Variants in GMDS observed in about 807,000 individuals in gnomAD.
GMDS encodes the protein GDP-mannose 4,6-dehydratase.
In GMDS, 20 loss-of-function variants were observed where a neutral mutation model predicts 49.9. The observed-to-expected ratio is 0.40, with a 90% CI of 0.28 to 0.58. The LOEUF is 0.58. Among genes scored for constraint, GMDS ranks in the 20% least tolerant of loss-of-function variants. The pLI is 0.42. For synonymous variants in GMDS, 177 were observed against 178.6 expected (o/e 0.99, Z 0.07); for missense variants, 362 against 481.4 (o/e 0.75, Z 2.32).
intron 7 of GMDS, among the ~76,000 whole-genome samples, chr6:1,845,219 T>C (rs1246705386): frequency 6.6e-6 from 1 of 152,156 alleles, no homozygotes; most frequent in African/African-American, 2.4e-5. Flanking sequence ...CTATTGTACA[T>C]TAAAAGTAAA....
chr6:2,205,669 T>G (rs1224462441), intron 1 of GMDS, among the ~76,000 whole-genome samples: 1 of 152,212 alleles, frequency 6.6e-6, no homozygotes, highest in African/African-American at 2.4e-5. Context: ...GAAGTTCTTA[T>G]GCTGGAGCCA....
intron 1 of GMDS, among the ~76,000 whole-genome samples, chr6:2,231,646 T>C (rs1436069401): frequency 6.6e-6 from 1 of 152,190 alleles, no homozygotes; most frequent in Non-Finnish European, 1.5e-5. Context: ...AAACGAATGC[T>C]TACCAAGCAC....
chr6:2,098,572 T>C (rs1773745225), intron 4 of GMDS, among the ~76,000 whole-genome samples: 1 of 152,226 alleles, frequency 6.6e-6, no homozygotes, highest in Non-Finnish European at 1.5e-5. Flanking sequence ...ATACGCTTAG[T>C]TGAGAAACAC....
chr6:1,708,413 C>T (rs926651361), intron 9 of GMDS, among the ~76,000 whole-genome samples: 3 of 152,118 alleles, frequency 2.0e-5, no homozygotes, highest in Non-Finnish European at 4.4e-5. Context: ...CCTCTGAAGG[C>T]GTTGTCAATA....
Position 2,101,023 on chromosome 6 carries a change from C to A in GMDS, c.345+14748G>T, listed in dbSNP as rs553716614. The stretch of plus-strand genomic sequence containing the variant: ...ATTGCAATTTTTGTATTAAACATTT[C>A]ATGTGCCTATGACCTGACATTACTG... On this transcript the variant is annotated intron_variant, in intron 4 of 10. Coordinates refer to ENST00000380815, the MANE Select transcript of GMDS (RefSeq NM_001500.4). Among the ~76,000 whole-genome samples, 294 of 151,710 alleles carry A rather than the reference C, an allele frequency of 1.9e-3. 2 individuals are homozygous for A. Among genetic ancestry groups the A allele is most frequent in the African/African-American group, 6.5e-3 (268 of 41,474 alleles).
rs1322633942 is a variant in GMDS at position 1,736,511 on chromosome 6, TCAGCATGA to T, written c.890+5949_890+5956del. 2.0e-5 allele frequency among the ~76,000 whole-genome samples: 3 copies of T among 152,230 alleles called. No individual in the cohort carries two copies. In the East Asian group the frequency reaches 5.8e-4, roughly 29 times the overall value. Reference sequence around the variant, plus strand: ...CTCATGGGACTCTACGCAGGTTTTCTCAGCATGACTGCTTTTTCTAGCTCTAATGGGGA... The same window carrying T: ...CTCATGGGACTCTACGCAGGTTTTCTCTGCTTTTTCTAGCTCTAATGGGGA... On this transcript the variant is annotated intron_variant, in intron 8 of 10. Coordinates refer to ENST00000380815, the MANE Select transcript of GMDS (RefSeq NM_001500.4).
At chr6:1,962,879 T>TC (rs1018635856) in intron 4 of GMDS, among the ~76,000 whole-genome samples, 12 of 151,104 alleles carry the variant, frequency 7.9e-5, no homozygotes, top group African/African-American at 2.4e-4. Flanking sequence ...TTTTTTTCTT[T>TC]CTTTTTTTTT....
At chr6:2,205,999 C>T (rs1486119428) in intron 1 of GMDS, among the ~76,000 whole-genome samples, 3 of 152,162 alleles carry the variant, frequency 2.0e-5, no homozygotes, top group African/African-American at 7.2e-5. Context: ...TGGCTCACAC[C>T]TGTAATCTCA....
intron 1 of GMDS, among the ~76,000 whole-genome samples, chr6:2,198,571 A>AC (rs1252530532): frequency 1.3e-5 from 2 of 152,202 alleles, no homozygotes; most frequent in African/African-American, 4.8e-5. Flanking sequence ...AAAAAAAAAA[A>AC]AACAAGAGAA....
intron 1 of GMDS, among the ~76,000 whole-genome samples, chr6:2,140,265 C>T (rs934702297): frequency 6.6e-6 from 1 of 151,992 alleles, no homozygotes; most frequent in Non-Finnish European, 1.5e-5. Context: ...GAAGACGAGG[C>T]CACGAGACCA....
chr6:1,915,489 G>A (rs372869949), intron 7 of GMDS, among the ~76,000 whole-genome samples: 17 of 152,338 alleles, frequency 1.1e-4, no homozygotes, highest in African/African-American at 3.8e-4. Context: ...TCCCAGCTCC[G>A]GAGGAGGACG....
rs145914832 is a variant in GMDS, at chr6:2,006,518, T to G, written c.346-45552A>C. Among the ~76,000 whole-genome samples, 602 of 152,262 alleles carry G rather than the reference T, an allele frequency of 4.0e-3. 8 individuals carry two copies. The highest frequency in any genetic ancestry group is 0.014 in the African/African-American group (572 of 41,564). ...AGGAAAAAGCGCTGGGTTCTAAATC[T>G]CTGCTCATAATTACTATGCATTTCT... On this transcript the variant is annotated intron_variant, in intron 4 of 10. Transcript: ENST00000380815.
intron 1 of GMDS, among the ~76,000 whole-genome samples, chr6:2,165,853 AAC>A (rs1333691652): frequency 1.3e-5 from 2 of 152,244 alleles, no homozygotes; most frequent in Non-Finnish European, 2.9e-5. Context: ...CTGAAAAAGA[AAC>A]ACAGACATTC....
Position 2,076,286 on chromosome 6 carries a change from C to T in GMDS, c.345+39485G>A, listed in dbSNP as rs186463154. ...ATCCCATACAAATGGAAGAACTTTC[C>T]ATGCTCATGGGTAGGAAGAATCAAT... On this transcript the variant is annotated intron_variant, in intron 4 of 10. Transcript: ENST00000380815. Among the ~76,000 whole-genome samples the T allele has an allele frequency of 1.3e-4, 20 of 152,250 alleles. No homozygotes were observed. In the South Asian group the frequency reaches 1.7e-3, roughly 13 times the overall value.
intron 4 of GMDS, among the ~76,000 whole-genome samples, chr6:2,087,625 A>T (rs543386641): frequency 6.6e-6 from 1 of 152,312 alleles, no homozygotes; most frequent in South Asian, 2.1e-4. Context: ...AAAAGTAGGC[A>T]CTCAATGACT....
intron 1 of GMDS, among the ~76,000 whole-genome samples, chr6:2,160,694 C>T (rs1326787734): frequency 6.6e-6 from 1 of 152,046 alleles, no homozygotes; most frequent in African/African-American, 2.4e-5. Flanking sequence ...CACCACCACA[C>T]CTGGCTAATT....
intron 1 of GMDS, among the ~76,000 whole-genome samples, chr6:2,166,521 T>G (rs1298248635): frequency 6.6e-6 from 1 of 152,182 alleles, no homozygotes; most frequent in Non-Finnish European, 1.5e-5. Context: ...CATCTGAAAT[T>G]CAAATTCGGA....
intron 7 of GMDS, among the ~76,000 whole-genome samples, chr6:1,837,673 A>G (rs1215818646): frequency 6.6e-6 from 1 of 152,192 alleles, no homozygotes; most frequent in Non-Finnish European, 1.5e-5. Flanking sequence ...ACTGCACTCA[A>G]TGGACTGACT....
At chr6:1,878,359 G>A (rs1221116298) in intron 7 of GMDS, among the ~76,000 whole-genome samples, 6 of 144,268 alleles carry the variant, frequency 4.2e-5, no homozygotes, top group Admixed American at 2.8e-4. Context: ...CAAAACAATC[G>A]ATGTGAAAAT....
Sources: allele counts gnomAD v4.1 joint callset (sites outside exome capture counted in the v4.1 genomes callset), GRCh38; gene constraint gnomAD v4.1.1; transcripts MANE v1.5; gene names NCBI Gene and HGNC (gene_info 2026-07-23, HGNC 2026-07-21).